Variants in CDHR3 observed in about 807,000 individuals in gnomAD.
CDHR3 encodes cadherin-related family member 3.
In CDHR3, 79 loss-of-function variants were observed where a neutral mutation model predicts 86.6. The ratio of observed to expected loss-of-function variants is 0.91; its 90% CI spans 0.76 to 1.10. The LOEUF is 1.10. Among genes scored for constraint, CDHR3 ranks in the 50% least tolerant of loss-of-function variants. The pLI, the probability that CDHR3 is intolerant of heterozygous loss-of-function variation, is 0.00. For synonymous variants in CDHR3, 421 were observed against 402.4 expected, an observed-to-expected ratio of 1.05 and a Z score of -0.55; for missense variants, 1,081 against 1,077.6, an observed-to-expected ratio of 1.00 and a Z score of -0.04.
At chr7:105,994,915 C>T in intron 5 of CDHR3, 70 bp downstream of exon 5, 1 of 1,271,070 alleles carries the variant, frequency 7.9e-7, no homozygotes, top group Non-Finnish European at 1.1e-6. Flanking sequence ...AGGGATAGGT[C>T]ACAGTGCAAC....
chr7:106,028,934 T>TTC lies in CDHR3; in HGVS notation c.2304+354_2304+355dup, dbSNP rs775453258. Among the ~76,000 whole-genome samples the TTC allele has an allele frequency of 8.7e-3, 981 of 112,162 alleles. 21 individuals carry two copies. The highest frequency in any genetic ancestry group is 0.022 in the African/African-American group (667 of 29,822). The allele number at this position is 112,162 out of a possible 152,430, so 73.6% of individuals were successfully genotyped here. A position where few individuals can be genotyped will look rare whatever the true frequency, so the allele number is the denominator to read the frequency against. On this transcript the variant is annotated intron_variant, in intron 17 of 18. Coordinates refer to ENST00000317716, the MANE Select transcript of CDHR3 (RefSeq NM_152750.5). The stretch of plus-strand genomic sequence containing the variant: ...ATTTAAATTTTCTTTCTTTCTTTCT[T>TTC]TCTTTCTTTCTTTCTTTCTTTCTTT...
Position 106,024,504 on chromosome 7 carries a change from T to C in CDHR3, c.2200T>C (p.Leu734=). The change falls in exon 15 of 19, where the codon TTG becomes CTG. Residue 734 remains leucine (L), a synonymous_variant. Transcript: ENST00000317716. ...LGLLVYLVVL[L]AKAIHRHCPC... is the part of the protein sequence containing the mutation. ...TCTCCTCGTGTACCTGGTCGTCCTA[T>C]TGGCCAAAGCCATCCACAGACACTG... 1.2e-6 allele frequency: 2 copies of C among 1,614,088 alleles called. No homozygotes were observed. Among genetic ancestry groups the C allele is most frequent in the South Asian group, 1.1e-5 (1 of 91,086 alleles).
intron 4 of CDHR3, among the ~76,000 whole-genome samples, chr7:105,993,161 A>C (rs756652700): frequency 6.6e-6 from 1 of 152,244 alleles, no homozygotes; most frequent in African/African-American, 2.4e-5. Flanking sequence ...TGAGGATAGA[A>C]CATCCCTCAT....
chr7:106,025,881 A>T (rs929161019), intron 15 of CDHR3, among the ~76,000 whole-genome samples: 1 of 152,200 alleles, frequency 6.6e-6, no homozygotes, highest in Non-Finnish European at 1.5e-5. Context: ...TTTTTAAAAA[A>T]AAACAGCTCT....
intron 14 of CDHR3, among the ~76,000 whole-genome samples, chr7:106,022,907 A>C (rs1252275520): frequency 6.6e-6 from 1 of 152,142 alleles, no homozygotes; most frequent in East Asian, 1.9e-4. Flanking sequence ...ACCAGGTACC[A>C]ATCTGTACCC....
At chr7:106,001,674 T>C in intron 7 of CDHR3, 64 bp downstream of exon 7, 1 of 1,591,488 alleles carries the variant, frequency 6.3e-7, no homozygotes, top group South Asian at 1.1e-5. Flanking sequence ...TGTCTTACAA[T>C]GTAGTTGTCC....
chr7:105,991,267 A>G (rs1831314817), intron 4 of CDHR3, among the ~76,000 whole-genome samples: 1 of 152,226 alleles, frequency 6.6e-6, no homozygotes, highest in Admixed American at 6.5e-5. Flanking sequence ...GTCGCTGGCA[A>G]ATGGCCACAT....
intron 4 of CDHR3, among the ~76,000 whole-genome samples, chr7:105,990,335 C>T (rs1008991317): frequency 1.3e-5 from 2 of 152,158 alleles, no homozygotes; most frequent in Admixed American, 6.5e-5. Context: ...GCAGGAGCCA[C>T]GTTAAGGACT....
intron 9 of CDHR3, among the ~76,000 whole-genome samples, chr7:106,014,816 T>C (rs970773380): frequency 7.9e-5 from 12 of 152,240 alleles, no homozygotes; most frequent in African/African-American, 2.7e-4. Context: ...AGATTCAATT[T>C]TGTGCTTTTC....
In CDHR3 at chr7:106,004,484, C is replaced by G; in HGVS notation, c.863-14C>G. Reference sequence around the variant, plus strand: ...TCTCTTCAAAGGGTCACGTTCTAACCTTTGCTTTCTCAGTGACTGGTACAA... The same window carrying G: ...TCTCTTCAAAGGGTCACGTTCTAACGTTTGCTTTCTCAGTGACTGGTACAA... On this transcript the variant is annotated splice_polypyrimidine_tract_variant and intron_variant, in intron 7 of 18. Transcript: ENST00000317716. 6.2e-7 allele frequency: 1 copy of G among 1,611,672 alleles called. No individual in the cohort carries two copies. The highest frequency in any genetic ancestry group is 8.5e-7 in the Non-Finnish European group (1 of 1,178,380).
chr7:105,971,410 A>G (rs1285254476), intron 1 of CDHR3, among the ~76,000 whole-genome samples: 1 of 152,188 alleles, frequency 6.6e-6, no homozygotes, highest in African/African-American at 2.4e-5. Flanking sequence ...ATTGCTTGAG[A>G]GTCACTGGCT....
chr7:105,988,142 G>A (rs967853500), intron 4 of CDHR3, among the ~76,000 whole-genome samples: 1 of 152,186 alleles, frequency 6.6e-6, no homozygotes, highest in African/African-American at 2.4e-5. Context: ...ACCTGCCTTG[G>A]CCTCCCAAAG....
intron 8 of CDHR3, among the ~76,000 whole-genome samples, chr7:106,005,520 G>GCT (rs1833828893): frequency 1.3e-5 from 2 of 152,350 alleles, no homozygotes; most frequent in South Asian, 4.1e-4. Flanking sequence ...CAACTCCACA[G>GCT]CAGCCCTTGC....
At chr7:105,978,546 C>T (rs556697216) in intron 2 of CDHR3, among the ~76,000 whole-genome samples, 251 of 152,290 alleles carry the variant, frequency 1.6e-3, no homozygotes, top group Non-Finnish European at 2.9e-3. Flanking sequence ...GTCCACCACT[C>T]CCAGCTATGA....
rs1456455078 is a variant in CDHR3 at position 106,004,919 on chromosome 7, C to A, written c.1052+232C>A. ...TATCTCCCTTGTTCACTTTCTTACT[C>A]TTAAGAATTATTTTTTATTTTGCTC... On this transcript the variant is annotated intron_variant, in intron 8 of 18. Transcript: ENST00000317716. 13 of 551,862 alleles carry A rather than the reference C, an allele frequency of 2.4e-5. No homozygotes were observed. In the Middle Eastern group the frequency reaches 1.4e-3, roughly 60 times the overall value. 34.2% of individuals were successfully genotyped at this position (551,862 alleles called of 1,614,324 possible). A position where few individuals can be genotyped will look rare whatever the true frequency, so the allele number is the denominator to read the frequency against.
chr7:106,030,871 G>A lies in CDHR3; in HGVS notation c.2353+31G>A, dbSNP rs73721904. ...TAAGTGGCAATACCACTGTAAGAAT[G>A]CTTTTTATATTCCAGACTGGTAGAA... On this transcript the variant is annotated intron_variant, in intron 18 of 18. Transcript: ENST00000317716. This position sits in a 1 kb window ranked among gnomAD's most constrained non-coding sequence, Gnocchi z 4.8. The A allele has an allele frequency of 3.4e-4, 538 of 1,585,182 alleles. 2 individuals carry two copies. The African/African-American group carries it at 6.3e-3, about 19-fold the overall frequency.
intron 4 of CDHR3, among the ~76,000 whole-genome samples, chr7:105,990,232 AGCATTTT>A (rs1563252540): frequency 6.6e-6 from 1 of 152,248 alleles, no homozygotes; most frequent in Non-Finnish European, 1.5e-5. Flanking sequence ...CATTAATAAT[AGCATTTT>A]GCATTTGTCA....
chr7:106,020,918 C>A (rs1836467191), intron 13 of CDHR3, among the ~76,000 whole-genome samples: 2 of 152,028 alleles, frequency 1.3e-5, no homozygotes, highest in African/African-American at 2.4e-5. Flanking sequence ...GCCCAAAGGC[C>A]CAAGAAAAGG....
chr7:105,996,257 C>T lies in CDHR3; in HGVS notation c.616C>T (p.Leu206Phe). ...DFEAGHRSFH[L>F]IVEVRDSGGL... ...GGAATGTTTCCCTGGCAGTTTCCAT[C>T]TCATCGTGGAGGTGAGGGACAGTGG... The change falls in exon 6 of 19, where the codon CTC (leucine) becomes TTC (phenylalanine). Residue 206 changes from leucine (L) to phenylalanine (F), a missense_variant. Physicochemically the swap from Leu to Phe is conservative, Grantham distance 22. Transcript: ENST00000317716. 6.4e-7 allele frequency: 1 copy of T among 1,573,964 alleles called. No individual in the cohort carries two copies. Among genetic ancestry groups the T allele is most frequent in the Non-Finnish European group, 8.7e-7 (1 of 1,145,792 alleles).
Sources: gnomAD v4.1 joint callset for allele counts (sites outside exome capture counted in the v4.1 genomes callset) on GRCh38, gnomAD v4.1.1 for gene constraint, Gnocchi (gnomAD v3.1) non-coding constraint, MANE v1.5 for transcripts, NCBI Gene and HGNC (gene_info 2026-07-23, HGNC 2026-07-21) for gene names.